The following SPON1 variants were observed in gnomAD, a reference collection of about 807,000 sequenced individuals.
The protein encoded by SPON1 is spondin 1.
Under a neutral mutation model 111.7 loss-of-function variants are expected in SPON1, and 52 were observed. That is an observed-to-expected ratio of 0.47 (90% CI 0.37 to 0.59). The LOEUF is 0.59. SPON1 is among the 20% of genes least tolerant of loss of function. The pLI is 0.00. For missense variants in SPON1, 957 were observed against 1,068.5 expected, an observed-to-expected ratio of 0.90 and a Z score of 1.46; for synonymous variants, 410 against 395.8, an observed-to-expected ratio of 1.04 and a Z score of -0.43.
At chr11:14,100,627 T>C (rs1230267000) in intron 5 of SPON1, among the ~76,000 whole-genome samples, 3 of 152,238 alleles carry the variant, frequency 2.0e-5, no homozygotes, top group Non-Finnish European at 4.4e-5. Context: ...GGTTATTTTC[T>C]AGAATTTTAT....
intron 6 of SPON1, among the ~76,000 whole-genome samples, chr11:14,229,974 G>T (rs905566933): frequency 1.3e-5 from 2 of 151,772 alleles, no homozygotes; most frequent in Non-Finnish European, 2.9e-5. Context: ...GTGTGTGTGT[G>T]TGTGTGTGTG....
intron 6 of SPON1, among the ~76,000 whole-genome samples, chr11:14,192,577 G>A (rs549383297): frequency 6.6e-5 from 10 of 152,172 alleles, no homozygotes; most frequent in Admixed American, 2.0e-4. Context: ...AAGCAGAAAG[G>A]GTGACAGTGA....
chr11:14,210,444 G>C (rs1397391448), intron 6 of SPON1, among the ~76,000 whole-genome samples: 3 of 150,004 alleles, frequency 2.0e-5, no homozygotes, highest in Non-Finnish European at 3.0e-5. Flanking sequence ...GCCCAAGCAA[G>C]CTGGAGTGCA....
intron 6 of SPON1, among the ~76,000 whole-genome samples, chr11:14,136,349 T>C (rs1477784288): frequency 6.6e-6 from 1 of 152,198 alleles, no homozygotes; most frequent in Non-Finnish European, 1.5e-5. Flanking sequence ...GCCCACCAAG[T>C]GCTCTGGAGG....
At position 14,160,421 on chromosome 11, in the gene SPON1, ATATATATATTTATATATATATT is replaced by A. The variant is rs1417472669; in HGVS notation, c.825+24863_825+24884del. Among the ~76,000 whole-genome samples the A allele has an allele frequency of 2.1e-3, 85 of 40,356 alleles. 10 individuals are homozygous for A. The highest frequency in any genetic ancestry group is 0.012 in the African/African-American group (84 of 7,068). 26.5% of individuals were successfully genotyped at this position (40,356 alleles called of 152,430 possible). ...TATATATTTATATATATATATTTAT[ATATATATATTTATATATATATT>A]TATATATATATTTATATATATATAT... On this transcript the variant is annotated intron_variant, in intron 6 of 15. Coordinates refer to ENST00000576479, the MANE Select transcript of SPON1 (RefSeq NM_006108.4).
At chr11:13,982,186 G>T (rs143952183) in intron 1 of SPON1, among the ~76,000 whole-genome samples, 1 of 152,174 alleles carries the variant, frequency 6.6e-6, no homozygotes, top group African/African-American at 2.4e-5. Flanking sequence ...ATGTATGTAT[G>T]TATGTATGTA....
intron 5 of SPON1, among the ~76,000 whole-genome samples, chr11:14,109,212 T>C (rs1983502): frequency 0.014 from 2,120 of 152,224 alleles, 48 homozygotes; most frequent in African/African-American, 0.048. Flanking sequence ...CTGGTCTCAG[T>C]CAATCCTCCC....
At chr11:14,140,852 G>A (rs564904825) in intron 6 of SPON1, among the ~76,000 whole-genome samples, 30 of 151,976 alleles carry the variant, frequency 2.0e-4, no homozygotes, top group Admixed American at 1.0e-3. Context: ...GCTAGTATAC[G>A]TCTGGACCCT....
chr11:14,165,708 G>A (rs1848021652), intron 6 of SPON1, among the ~76,000 whole-genome samples: 1 of 152,112 alleles, frequency 6.6e-6, no homozygotes, highest in East Asian at 1.9e-4. Flanking sequence ...GTGTACTATA[G>A]CTTTTCTTTT....
At chr11:14,013,761 C>T (rs1034543203) in intron 2 of SPON1, among the ~76,000 whole-genome samples, 16 of 152,068 alleles carry the variant, frequency 1.1e-4, no homozygotes, top group African/African-American at 3.9e-4. Flanking sequence ...AGACTGGGTG[C>T]CCTGTCTCCT....
At chr11:14,188,106 G>A (rs1246775746) in intron 6 of SPON1, among the ~76,000 whole-genome samples, 5 of 151,952 alleles carry the variant, frequency 3.3e-5, no homozygotes, top group African/African-American at 9.7e-5. Context: ...CGGGGTTTCA[G>A]CATGTTGGCC....
At chr11:14,198,282 G>A (rs1591408032) in intron 6 of SPON1, among the ~76,000 whole-genome samples, 1 of 152,174 alleles carries the variant, frequency 6.6e-6, no homozygotes, top group African/African-American at 2.4e-5. Flanking sequence ...AAATCACTAA[G>A]CCAGACCAAA....
rs576239254 is a variant in SPON1, at chr11:14,154,496, T to A, written c.825+18928T>A. On this transcript the variant is annotated intron_variant, in intron 6 of 15. Transcript: ENST00000576479. ...GCTAGAGAGGCTAGGATGCAGGGCA[T>A]CATGTCCCAGGGCTGCACAAGGCAG... 1.5e-3 allele frequency among the ~76,000 whole-genome samples: 221 copies of A among 152,316 alleles called. 1 individual carries two copies. The highest frequency in any genetic ancestry group is 5.0e-3 in the African/African-American group (208 of 41,572).
intron 2 of SPON1, among the ~76,000 whole-genome samples, chr11:14,029,489 A>T (rs1481661670): frequency 3.3e-5 from 5 of 152,168 alleles, no homozygotes; most frequent in Non-Finnish European, 7.3e-5. Context: ...AATGGTGAGG[A>T]AAACAGAATT....
chr11:14,240,984 A>G (rs576388077), intron 6 of SPON1, among the ~76,000 whole-genome samples: 1 of 152,284 alleles, frequency 6.6e-6, no homozygotes, highest in East Asian at 1.9e-4. Flanking sequence ...GTTTCCCGTG[A>G]TATGATATTA....
intron 5 of SPON1, among the ~76,000 whole-genome samples, chr11:14,116,555 G>A (rs1273349369): frequency 6.6e-6 from 1 of 152,068 alleles, no homozygotes; most frequent in Non-Finnish European, 1.5e-5. Context: ...TCTGTTTCAG[G>A]ACTCTTCTGT....
intron 2 of SPON1, among the ~76,000 whole-genome samples, chr11:14,040,246 G>A (rs1848622371): frequency 6.6e-6 from 1 of 152,142 alleles, no homozygotes; most frequent in Admixed American, 6.6e-5. Flanking sequence ...AGTCAACTAA[G>A]TGCCCCTCAC....
At chr11:14,171,665 G>T (rs1848102468) in intron 6 of SPON1, among the ~76,000 whole-genome samples, 1 of 152,070 alleles carries the variant, frequency 6.6e-6, no homozygotes, top group African/African-American at 2.4e-5. Flanking sequence ...TGCTTTGAAT[G>T]TGTCCCAGAG....
intron 5 of SPON1, among the ~76,000 whole-genome samples, chr11:14,103,709 G>A (rs369126132): frequency 3.3e-5 from 5 of 152,130 alleles, no homozygotes; most frequent in Admixed American, 6.5e-5. Flanking sequence ...CTAATTCACC[G>A]TCTTATCAGG....
Sources: gnomAD v4.1 joint callset for allele counts (sites outside exome capture counted in the v4.1 genomes callset) on GRCh38, gnomAD v4.1.1 for gene constraint, MANE v1.5 for transcripts, NCBI Gene and HGNC (gene_info 2026-07-23, HGNC 2026-07-21) for gene names.